Variants in SRGAP1 observed in about 807,000 individuals in gnomAD.
The protein encoded by SRGAP1 is SLIT-ROBO Rho GTPase-activating protein 1.
Under a neutral mutation model 121.9 loss-of-function variants are expected in SRGAP1, and 43 were observed. The observed-to-expected ratio is 0.35, with a 90% CI of 0.28 to 0.46. SRGAP1 has a LOEUF of 0.46. Among genes scored for constraint, SRGAP1 ranks in the 20% least tolerant of loss-of-function variants. SRGAP1 has a pLI of 1.00. For missense variants in SRGAP1, 1,102 were observed against 1,350.9 expected (o/e 0.82, Z 2.89); for synonymous variants, 447 against 485.4 (o/e 0.92, Z 1.04).
At chr12:63,868,531 A>G (rs1489614162) in intron 1 of SRGAP1, among the ~76,000 whole-genome samples, 1 of 152,010 alleles carries the variant, frequency 6.6e-6, no homozygotes, top group Non-Finnish European at 1.5e-5. Context: ...AAACCTGGCT[A>G]ATTTTTTGTA....
chr12:64,010,110 AACTG>A (rs1266086484), intron 3 of SRGAP1, among the ~76,000 whole-genome samples: 9 of 152,230 alleles, frequency 5.9e-5, no homozygotes, highest in African/African-American at 2.2e-4. Context: ...TTACATCCCA[AACTG>A]ACTGAGCATG....
chr12:63,952,788 G>A (rs2032339605), intron 1 of SRGAP1, among the ~76,000 whole-genome samples: 1 of 152,038 alleles, frequency 6.6e-6, no homozygotes, highest in African/African-American at 2.4e-5. Context: ...AGGAGTTACA[G>A]GTGCTAACAC....
intron 14 of SRGAP1, among the ~76,000 whole-genome samples, chr12:64,096,017 C>T (rs959134282): frequency 1.3e-5 from 2 of 152,148 alleles, no homozygotes; most frequent in Non-Finnish European, 2.9e-5. Flanking sequence ...TATTTGGCCT[C>T]GATTTCCTCA....
intron 8 of SRGAP1, among the ~76,000 whole-genome samples, chr12:64,070,902 C>T (rs2035625026): frequency 6.6e-6 from 1 of 152,130 alleles, no homozygotes; most frequent in Non-Finnish European, 1.5e-5. Flanking sequence ...ATCAAACTCT[C>T]ATGGGGGATT....
At chr12:63,901,407 G>T (rs1386644196) in intron 1 of SRGAP1, among the ~76,000 whole-genome samples, 1 of 152,152 alleles carries the variant, frequency 6.6e-6, no homozygotes, top group Non-Finnish European at 1.5e-5. Context: ...TACATGCTGA[G>T]CTCACCCCTG....
At chr12:64,037,626 A>G (rs2034928613) in intron 4 of SRGAP1, among the ~76,000 whole-genome samples, 1 of 152,188 alleles carries the variant, frequency 6.6e-6, no homozygotes, top group South Asian at 2.1e-4. Context: ...CTACTTTCCA[A>G]GTTCTTCCCT....
intron 15 of SRGAP1, among the ~76,000 whole-genome samples, chr12:64,107,829 T>A (rs1462258859): frequency 6.6e-6 from 1 of 152,208 alleles, no homozygotes; most frequent in Non-Finnish European, 1.5e-5. Flanking sequence ...TTTTCTCAAA[T>A]GTATGCTTAT....
At chr12:63,915,620 C>G (rs144911430) in intron 1 of SRGAP1, among the ~76,000 whole-genome samples, 1 of 152,286 alleles carries the variant, frequency 6.6e-6, no homozygotes, top group African/African-American at 2.4e-5. Flanking sequence ...GCAACCATCT[C>G]CAAGGAGACC....
At chr12:64,002,884 A>C (rs938659126) in intron 3 of SRGAP1, among the ~76,000 whole-genome samples, 1 of 152,092 alleles carries the variant, frequency 6.6e-6, no homozygotes, top group Non-Finnish European at 1.5e-5. Context: ...TCCAGAACAC[A>C]ATCCAAAATT....
intron 4 of SRGAP1, among the ~76,000 whole-genome samples, chr12:64,020,915 A>G (rs189178430): frequency 3.6e-4 from 55 of 151,060 alleles, no homozygotes; most frequent in African/African-American, 1.3e-3. Context: ...AAATAATGGC[A>G]TAAACCAAAT....
intron 1 of SRGAP1, among the ~76,000 whole-genome samples, chr12:63,863,934 C>T (rs1440667455): frequency 6.6e-6 from 1 of 152,122 alleles, no homozygotes; most frequent in Non-Finnish European, 1.5e-5. Flanking sequence ...TACAGCTCAG[C>T]ATTTGCCTTA....
chr12:64,046,151 A>G (rs2035125964), intron 6 of SRGAP1, among the ~76,000 whole-genome samples: 1 of 152,200 alleles, frequency 6.6e-6, no homozygotes, highest in African/African-American at 2.4e-5. Flanking sequence ...TCCCATCTTA[A>G]GATGCTCATG....
chr12:63,956,654 T>A (rs529868903), intron 1 of SRGAP1, among the ~76,000 whole-genome samples: 33 of 151,172 alleles, frequency 2.2e-4, no homozygotes, highest in Non-Finnish European at 4.4e-4. Flanking sequence ...TCATCTGGTC[T>A]CAGGTTTTGA....
At chr12:64,017,388 A>ACTTT (rs2034431772) in intron 4 of SRGAP1, among the ~76,000 whole-genome samples, 1 of 152,154 alleles carries the variant, frequency 6.6e-6, no homozygotes, top group Admixed American at 6.5e-5. Context: ...CATTGTGGCC[A>ACTTT]GGCGTGGTGT....
intron 1 of SRGAP1, among the ~76,000 whole-genome samples, chr12:63,863,017 T>G (rs1899506603): frequency 6.6e-6 from 1 of 152,180 alleles, no homozygotes; most frequent in Non-Finnish European, 1.5e-5. Flanking sequence ...TTTCTTTGGC[T>G]GACCCCAGGG....
chr12:64,036,264 G>A (rs1248731990), intron 4 of SRGAP1, among the ~76,000 whole-genome samples: 1 of 152,140 alleles, frequency 6.6e-6, no homozygotes, highest in Non-Finnish European at 1.5e-5. Context: ...GCTGTGTTAG[G>A]TTCCTGGGGT....
At chr12:64,137,917 C>T (rs1376424346) in intron 21 of SRGAP1, among the ~76,000 whole-genome samples, 1 of 147,708 alleles carries the variant, frequency 6.8e-6, no homozygotes, top group East Asian at 2.0e-4. Flanking sequence ...CACCATCTCA[C>T]ACAACACTCT....
At chr12:63,890,549 G>A (rs1269525106) in intron 1 of SRGAP1, among the ~76,000 whole-genome samples, 3 of 152,200 alleles carry the variant, frequency 2.0e-5, no homozygotes, top group African/African-American at 7.2e-5. Flanking sequence ...AATTTGTAGT[G>A]TGAGCCATGT....
chr12:64,051,539 T>C (rs1376750022), intron 6 of SRGAP1, among the ~76,000 whole-genome samples: 1 of 152,226 alleles, frequency 6.6e-6, no homozygotes, highest in Non-Finnish European at 1.5e-5. Context: ...TTCAGACTAA[T>C]CAGTTTACAT....
Sources: gnomAD v4.1 joint callset for allele counts (sites outside exome capture counted in the v4.1 genomes callset) on GRCh38, gnomAD v4.1.1 for gene constraint, MANE v1.5 for transcripts, NCBI Gene and HGNC (gene_info 2026-07-23, HGNC 2026-07-21) for gene names.